FAP: variants seen among roughly 807,000 people sequenced by gnomAD.
FAP encodes the protein fibroblast activation protein alpha.
In FAP, 110 loss-of-function variants were observed where a neutral mutation model predicts 126.5. The observed-to-expected ratio is 0.87, with a 90% CI of 0.74 to 1.02. FAP has a LOEUF of 1.02. FAP is among the 50% of genes least tolerant of loss of function. FAP has a pLI of 0.00. For missense variants in FAP, 919 were observed against 909.2 expected (o/e 1.01, Z -0.14); for synonymous variants, 334 against 297.3 (o/e 1.12, Z -1.27).
At chr2:162,223,358 A>G (rs1217698296) in intron 6 of FAP, among the ~76,000 whole-genome samples, 1 of 152,158 alleles carries the variant, frequency 6.6e-6, no homozygotes, top group Non-Finnish European at 1.5e-5. Context: ...TCTGATCTTC[A>G]AAAACAGAAA....
Position 162,172,831 on chromosome 2 carries a change from G to T in FAP, c.2161C>A (p.Gln721Lys), listed in dbSNP as rs745604766. ...TGTACCATTGCCTGGAAATCCACTT[G>T]TGCATTAACCAGAGCTTTAGCAATC... ...AQIAKALVNAQVDFQAMWYSD... is the reference protein window; with the variant it reads ...AQIAKALVNAKVDFQAMWYSD... Residue 721 changes from glutamine (Q) to lysine (K), a missense_variant, in exon 25 of 26, where the codon CAA (glutamine) becomes AAA (lysine). Transcript: ENST00000188790. The T allele has an allele frequency of 6.2e-7, 1 of 1,612,442 alleles. No individual in the cohort carries two copies. The highest frequency in any genetic ancestry group is 8.5e-7 in the Non-Finnish European group (1 of 1,178,786).
At chr2:162,226,159 G>GAT (rs1335477951) in intron 3 of FAP, among the ~76,000 whole-genome samples, 1 of 152,028 alleles carries the variant, frequency 6.6e-6, no homozygotes, top group Non-Finnish European at 1.5e-5. Context: ...AGATTTGTCT[G>GAT]TTTTCCAGAT....
chr2:162,236,398 G>A (rs896100366), intron 2 of FAP, among the ~76,000 whole-genome samples: 4 of 150,546 alleles, frequency 2.7e-5, no homozygotes, highest in African/African-American at 7.3e-5. Context: ...TAAGTGTTTG[G>A]TAGAATTTGT....
intron 11 of FAP, among the ~76,000 whole-genome samples, chr2:162,210,852 A>G (rs1688904224): frequency 6.6e-6 from 1 of 152,204 alleles, no homozygotes; most frequent in Non-Finnish European, 1.5e-5. Flanking sequence ...GTGAGAATAG[A>G]ACAGAGAAAA....
In FAP at chr2:162,192,836, C is replaced by T. The variant is rs533001907; in HGVS notation, c.1450+1865G>A. ...ATCCAAATAGCATTATCACCTACTT[C>T]ATATTCATGAGTCTCGGGTTTGTGG... On this transcript the variant is annotated intron_variant, in intron 17 of 25. Coordinates refer to ENST00000188790, the MANE Select transcript of FAP (RefSeq NM_004460.5). Among the ~76,000 whole-genome samples, 10 of 152,298 alleles carry T rather than the reference C, an allele frequency of 6.6e-5. No homozygotes were observed. In the East Asian group the frequency reaches 1.9e-3, roughly 29 times the overall value.
At chr2:162,175,157 C>T (rs943547459) in intron 21 of FAP, 191 bp from the exon 22 acceptor site, 1 of 498,092 alleles carries the variant, frequency 2.0e-6, no homozygotes, top group African/African-American at 2.0e-5. Context: ...GTAATTTCTT[C>T]CCTAATTCAT....
intron 12 of FAP, among the ~76,000 whole-genome samples, chr2:162,205,008 T>C (rs1006471926): frequency 2.0e-5 from 3 of 152,168 alleles, no homozygotes; most frequent in Non-Finnish European, 4.4e-5. Context: ...GGTAGATGCC[T>C]CATCACTCTA....
chr2:162,201,706 A>T (rs916532492), intron 14 of FAP, among the ~76,000 whole-genome samples: 2 of 151,992 alleles, frequency 1.3e-5, no homozygotes, highest in African/African-American at 4.8e-5. Context: ...TCTCTCTTCC[A>T]TTTAGAGAAT....
At chr2:162,196,838 A>T (rs1001530132) in intron 16 of FAP, among the ~76,000 whole-genome samples, 1 of 152,198 alleles carries the variant, frequency 6.6e-6, no homozygotes, top group African/African-American at 2.4e-5. Context: ...AGACGATGTG[A>T]TGCTTCCCAC....
chr2:162,178,696 A>G (rs1419030108), intron 21 of FAP, among the ~76,000 whole-genome samples: 1 of 152,088 alleles, frequency 6.6e-6, no homozygotes, highest in East Asian at 1.9e-4. Context: ...CATTTCTTGA[A>G]CTCGATAATG....
intron 18 of FAP, 55 bp from the exon 19 acceptor site, chr2:162,189,227 TTTA>T: frequency 2.0e-6 from 2 of 1,018,650 alleles, no homozygotes; most frequent in Non-Finnish European, 3.0e-6. Context: ...AGTAGCATCA[TTTA>T]TTGTCTTTAA....
intron 22 of FAP, 24 bp from the exon 23 acceptor site, chr2:162,173,811 ATT>A: frequency 6.9e-7 from 1 of 1,445,184 alleles, no homozygotes; most frequent in Non-Finnish European, 9.7e-7. Context: ...GAGAATATGC[ATT>A]GTTTGCATGT....
Position 162,219,892 on chromosome 2 carries a change from T to C in FAP, c.447A>G (p.Pro149=). ...CAGGCGACCAGCATAAATACTGAAT[T>C]GGACGAGGAAGCTCATTTCCTCTTA... The part of the protein sequence containing the change: ...EFVRGNELPR[P]IQYLCWSPVG... Residue 149 remains proline (P), a synonymous_variant, in exon 7 of 26, where the codon CCA becomes CCG. Coordinates refer to ENST00000188790, the MANE Select transcript of FAP (RefSeq NM_004460.5). 1 of 1,612,814 alleles carries C rather than the reference T, an allele frequency of 6.2e-7. No homozygotes were observed. The highest frequency in any genetic ancestry group is 8.5e-7 in the Non-Finnish European group (1 of 1,179,042).
At chr2:162,180,059 G>A (rs551520747) in intron 21 of FAP, among the ~76,000 whole-genome samples, 12 of 151,832 alleles carry the variant, frequency 7.9e-5, no homozygotes, top group African/African-American at 1.9e-4. Flanking sequence ...TGCCTGCCTC[G>A]GTCTCACAAA....
chr2:162,189,415 T>G (rs1189601340), intron 18 of FAP, among the ~76,000 whole-genome samples: 3 of 151,960 alleles, frequency 2.0e-5, no homozygotes, highest in Admixed American at 1.3e-4. Context: ...TAAGCTCTTT[T>G]TAAAAAAACG....
intron 2 of FAP, among the ~76,000 whole-genome samples, chr2:162,228,614 AT>A (rs1689760775): frequency 1.3e-5 from 2 of 152,082 alleles, no homozygotes. Flanking sequence ...TTGTTATTCT[AT>A]TTTTTAAATA....
chr2:162,180,310 T>C (rs1259243523), intron 21 of FAP, among the ~76,000 whole-genome samples: 1 of 152,140 alleles, frequency 6.6e-6, no homozygotes, highest in East Asian at 1.9e-4. Flanking sequence ...ATTAACCACA[T>C]TGGAGCTTGT....
intron 25 of FAP, 84 bp from the exon 26 acceptor site, chr2:162,171,164 G>T: frequency 1.1e-6 from 1 of 933,672 alleles, no homozygotes; most frequent in Non-Finnish European, 1.7e-6. Flanking sequence ...CTCAGGACCT[G>T]ATAATCTTTC....
intron 10 of FAP, 31 bp from the exon 11 acceptor site, chr2:162,214,104 A>G: frequency 1.2e-6 from 2 of 1,608,980 alleles, no homozygotes; most frequent in Non-Finnish European, 1.7e-6. Context: ...GGTAGTCACA[A>G]CCATAAACCA....
Sources: gnomAD v4.1 joint callset for allele counts (sites outside exome capture counted in the v4.1 genomes callset) on GRCh38, gnomAD v4.1.1 for gene constraint, MANE v1.5 for transcripts, NCBI Gene and HGNC (gene_info 2026-07-23, HGNC 2026-07-21) for gene names.